HTR1F: variants seen among roughly 807,000 people sequenced by gnomAD.
The protein encoded by HTR1F is 5-hydroxytryptamine (serotonin) receptor 1F, G protein-coupled.
A neutral mutation model predicts 24.0 loss-of-function variants in HTR1F; 17 were observed. The ratio of observed to expected loss-of-function variants is 0.71; its 90% confidence interval spans 0.48 to 1.06. The LOEUF is 1.06. Ranked by LOEUF, HTR1F falls within the 50% of genes least tolerant of loss-of-function variation. The pLI, the probability that HTR1F is intolerant of heterozygous loss-of-function variation, is 0.00. For missense variants in HTR1F, 391 were observed against 427.8 expected, an observed-to-expected ratio of 0.91 and a Z score of 0.76; for synonymous variants, 186 against 156.8, an observed-to-expected ratio of 1.19 and a Z score of -1.39.
intron 2 of HTR1F, among the ~76,000 whole-genome samples, chr3:87,912,451 C>G (rs1003663747): frequency 9.2e-5 from 14 of 151,918 alleles, no homozygotes; most frequent in Admixed American, 8.5e-4. Context: ...ACATTCCATG[C>G]TCATGGATAG....
chr3:87,966,192 A>C (rs543277266), intron 2 of HTR1F, among the ~76,000 whole-genome samples: 61 of 152,294 alleles, frequency 4.0e-4, no homozygotes, highest in African/African-American at 1.3e-3. Context: ...GAAGAAGCCA[A>C]GGACCTTTCT....
chr3:87,878,084 A>C lies in HTR1F; in HGVS notation c.-43+55960A>C, dbSNP rs1185613177. Among the ~76,000 whole-genome samples the C allele has an allele frequency of 2.0e-5, 3 of 152,322 alleles. No homozygotes were observed. In the East Asian group the frequency reaches 5.8e-4, roughly 29 times the overall value. ...TGGACGGGATCTTGAGAATGGATTAAGTTTAAATAGATTGAGAATCTAGGA... is the reference window on the plus strand; with the variant it reads ...TGGACGGGATCTTGAGAATGGATTACGTTTAAATAGATTGAGAATCTAGGA... On this transcript the variant is annotated intron_variant, in intron 2 of 2. Coordinates refer to ENST00000319595, the MANE Select transcript of HTR1F (RefSeq NM_001322209.2).
intron 2 of HTR1F, among the ~76,000 whole-genome samples, chr3:87,915,328 C>T (rs963918594): frequency 6.6e-6 from 1 of 152,106 alleles, no homozygotes; most frequent in Non-Finnish European, 1.5e-5. Context: ...ACTAGCTCAC[C>T]AGCAGTGAAT....
At chr3:87,810,980 C>T (rs1489775) in intron 1 of HTR1F, among the ~76,000 whole-genome samples, 20,253 of 152,156 alleles carry the variant, frequency 0.13, 4,184 homozygotes, top group African/African-American at 0.45. Context: ...CTTTCTATTG[C>T]TATTCCCCAG....
At chr3:87,933,488 T>A (rs972538079) in intron 2 of HTR1F, among the ~76,000 whole-genome samples, 2 of 152,232 alleles carry the variant, frequency 1.3e-5, no homozygotes, top group Admixed American at 6.5e-5. Context: ...CTTAAGCTGA[T>A]AAGCAACTTC....
intron 2 of HTR1F, among the ~76,000 whole-genome samples, chr3:87,952,894 G>A (rs1704865341): frequency 6.6e-6 from 1 of 151,286 alleles, no homozygotes; most frequent in Non-Finnish European, 1.5e-5. Context: ...GCCATACAAG[G>A]ACACATAAAA....
At chr3:87,892,185 A>T (rs773160147) in intron 2 of HTR1F, among the ~76,000 whole-genome samples, 3 of 152,216 alleles carry the variant, frequency 2.0e-5, no homozygotes, top group Non-Finnish European at 4.4e-5. Context: ...TTTAATTTAG[A>T]TAATAAGCCA....
At chr3:87,980,901 C>T (rs1705526752) in intron 2 of HTR1F, among the ~76,000 whole-genome samples, 1 of 152,182 alleles carries the variant, frequency 6.6e-6, no homozygotes, top group Admixed American at 6.5e-5. Context: ...AGAGTAGGCA[C>T]TTCTGAACCT....
intron 2 of HTR1F, among the ~76,000 whole-genome samples, chr3:87,961,788 G>C (rs1008888108): frequency 7.3e-6 from 1 of 137,694 alleles, no homozygotes; most frequent in Non-Finnish European, 1.5e-5. Flanking sequence ...GTATAAAAGA[G>C]AGGTAATAAG....
At chr3:87,861,003 A>G (rs1291387715) in intron 2 of HTR1F, among the ~76,000 whole-genome samples, 1 of 152,096 alleles carries the variant, frequency 6.6e-6, no homozygotes, top group East Asian at 1.9e-4. Flanking sequence ...CTAATAATAC[A>G]AAAATAAGCC....
At chr3:87,941,714 G>C (rs1346640676) in intron 2 of HTR1F, among the ~76,000 whole-genome samples, 1 of 152,138 alleles carries the variant, frequency 6.6e-6, no homozygotes, top group African/African-American at 2.4e-5. Flanking sequence ...AGGATGTACA[G>C]GGATGCAGAA....
intron 1 of HTR1F, among the ~76,000 whole-genome samples, chr3:87,817,116 CAAAT>C (rs1215808079): frequency 3.3e-5 from 5 of 152,076 alleles, no homozygotes; most frequent in African/African-American, 1.2e-4. Context: ...AGATATCCCA[CAAAT>C]AAAATGAAAT....
At chr3:87,874,842 T>C (rs1187521099) in intron 2 of HTR1F, among the ~76,000 whole-genome samples, 1 of 152,042 alleles carries the variant, frequency 6.6e-6, no homozygotes, top group Non-Finnish European at 1.5e-5. Flanking sequence ...AAGTATATGG[T>C]TAAATAATCT....
chr3:87,811,879 G>T (rs1423537774), intron 1 of HTR1F, among the ~76,000 whole-genome samples: 3 of 152,098 alleles, frequency 2.0e-5, no homozygotes, highest in Non-Finnish European at 4.4e-5. Flanking sequence ...TGGATCATGG[G>T]GGTAGTTTCC....
intron 1 of HTR1F, among the ~76,000 whole-genome samples, 88 bp downstream of exon 1, chr3:87,792,930 G>C (rs1703840068): frequency 6.6e-6 from 1 of 152,230 alleles, no homozygotes; most frequent in Non-Finnish European, 1.5e-5. Context: ...GGGACGTGGG[G>C]AGTGGGAGGC....
intron 1 of HTR1F, among the ~76,000 whole-genome samples, chr3:87,802,080 TTCCC>T (rs1376758910): frequency 7.7e-5 from 6 of 77,592 alleles, no homozygotes; most frequent in African/African-American, 2.3e-4. Context: ...CCCTCCCTCC[TTCCC>T]TCCCTCCCTC....
intron 2 of HTR1F, among the ~76,000 whole-genome samples, chr3:87,956,248 T>A (rs577575992): frequency 4.0e-5 from 6 of 151,508 alleles, no homozygotes; most frequent in African/African-American, 1.4e-4. Context: ...TTATTTTTAA[T>A]ATGGATAACT....
intron 2 of HTR1F, among the ~76,000 whole-genome samples, chr3:87,916,143 A>C (rs1316479258): frequency 6.6e-6 from 1 of 152,072 alleles, no homozygotes; most frequent in Non-Finnish European, 1.5e-5. Flanking sequence ...AGTCTTTTTC[A>C]GACAAATGAC....
intron 2 of HTR1F, among the ~76,000 whole-genome samples, chr3:87,835,717 T>C (rs1420555965): frequency 6.6e-6 from 1 of 152,232 alleles, no homozygotes; most frequent in African/African-American, 2.4e-5. Flanking sequence ...AATTCCTTTT[T>C]AGCATGAACT....
Sources: gnomAD v4.1 joint callset for allele counts (sites outside exome capture counted in the v4.1 genomes callset) on GRCh38, gnomAD v4.1.1 for gene constraint, MANE v1.5 for transcripts, NCBI Gene and HGNC (gene_info 2026-07-23, HGNC 2026-07-21) for gene names.